CHAT: variants seen among roughly 807,000 people sequenced by gnomAD.
CHAT encodes the protein acetyl CoA:choline O-acetyltransferase.
Under a neutral mutation model 76.9 loss-of-function variants are expected in CHAT, and 61 were observed. The observed-to-expected ratio is 0.79, with a 90% confidence interval of 0.65 to 0.98. The LOEUF (loss-of-function observed/expected upper bound fraction) is 0.98, where lower values mean the gene tolerates loss of function less well. Ranked by LOEUF, CHAT falls within the 50% of genes least tolerant of loss-of-function variation. The pLI, the probability that CHAT is intolerant of heterozygous loss-of-function variation, is 0.00. For synonymous variants in CHAT, 407 were observed against 397.4 expected, an observed-to-expected ratio of 1.02 and a Z score of -0.29; for missense variants, 946 against 986.9, an observed-to-expected ratio of 0.96 and a Z score of 0.56.
At chr10:49,644,289 C>G (rs1839587367) in intron 7 of CHAT, among the ~76,000 whole-genome samples, 2 of 152,104 alleles carry the variant, frequency 1.3e-5, no homozygotes, top group African/African-American at 2.4e-5. Context: ...ACGCAGGGAT[C>G]TAGGGTGGGA....
At chr10:49,631,565 A>G (rs1839120906) in intron 7 of CHAT, among the ~76,000 whole-genome samples, 1 of 152,246 alleles carries the variant, frequency 6.6e-6, no homozygotes, top group African/African-American at 2.4e-5. Context: ...CAGACAGGGT[A>G]AATGACAGAT....
At chr10:49,654,533 C>T (rs1839974237) in intron 11 of CHAT, among the ~76,000 whole-genome samples, 1 of 152,246 alleles carries the variant, frequency 6.6e-6, no homozygotes, top group African/African-American at 2.4e-5. Flanking sequence ...GGTGGGGAAG[C>T]AGCCACTGCT....
At chr10:49,628,561 G>C (rs555572050) in intron 7 of CHAT, among the ~76,000 whole-genome samples, 27 of 152,340 alleles carry the variant, frequency 1.8e-4, no homozygotes, top group African/African-American at 6.3e-4. Flanking sequence ...CTCTACCCAA[G>C]AGCAGCCCCA....
Position 49,627,479 on chromosome 10 carries a change from G to T in CHAT, c.934-129G>T, listed in dbSNP as rs541924886. 4.2e-6 allele frequency: 4 copies of T among 956,122 alleles called. No individual in the cohort carries two copies. In the African/African-American group the frequency reaches 6.4e-5, roughly 15 times the overall value. 59.2% of individuals were successfully genotyped at this position (956,122 alleles called of 1,614,324 possible). On this transcript the variant is annotated intron_variant, in intron 6 of 14. Transcript: ENST00000337653. ...TGGCTTGGTCCCTAAACTGAGACTAGAACCACCAAACACCTTGGGAACCTT... is the reference window on the plus strand; with the variant it reads ...TGGCTTGGTCCCTAAACTGAGACTATAACCACCAAACACCTTGGGAACCTT...
chr10:49,653,707 C>T (rs1020849563), intron 11 of CHAT, among the ~76,000 whole-genome samples: 1 of 152,242 alleles, frequency 6.6e-6, no homozygotes, highest in Non-Finnish European at 1.5e-5. Flanking sequence ...GCTGCAGGAC[C>T]TGCCTGGCAT....
At chr10:49,642,968 G>A (rs1839535758) in intron 7 of CHAT, among the ~76,000 whole-genome samples, 2 of 152,174 alleles carry the variant, frequency 1.3e-5, no homozygotes, top group African/African-American at 4.8e-5. Context: ...GACTGAGCTG[G>A]GCATTCATAG....
At chr10:49,627,547 G>A in intron 6 of CHAT, 61 bp from the exon 7 acceptor site, 2 of 1,555,250 alleles carry the variant, frequency 1.3e-6, no homozygotes, top group South Asian at 1.1e-5. Flanking sequence ...TGAAGGCTGA[G>A]TGAAGGCCTG....
chr10:49,615,550 G>A (rs1221468493), intron 1 of CHAT, among the ~76,000 whole-genome samples: 2 of 152,190 alleles, frequency 1.3e-5, no homozygotes, highest in Non-Finnish European at 2.9e-5. Flanking sequence ...GGGTGGTGTT[G>A]GGTGGGGAGA....
At chr10:49,629,766 T>C (rs1183747847) in intron 7 of CHAT, among the ~76,000 whole-genome samples, 1 of 152,210 alleles carries the variant, frequency 6.6e-6, no homozygotes, top group Non-Finnish European at 1.5e-5. Flanking sequence ...TTAATCCAGT[T>C]AGCGCCAACT....
chr10:49,658,650 G>A (rs553375511), intron 13 of CHAT, among the ~76,000 whole-genome samples: 15 of 152,216 alleles, frequency 9.9e-5, no homozygotes, highest in African/African-American at 2.4e-4. Flanking sequence ...CGGAAGTTGC[G>A]GTGAGCTGAG....
upstream of CHAT, chr10:49,612,285 T>C: frequency 6.2e-7 from 1 of 1,612,174 alleles, no homozygotes; most frequent in Middle Eastern, 1.7e-4. Flanking sequence ...GCAGCCCGCC[T>C]GGCCCTTTTG....
At chr10:49,620,087 G>A (rs1048692816) in intron 3 of CHAT, among the ~76,000 whole-genome samples, 171 bp downstream of exon 3, 2 of 152,094 alleles carry the variant, frequency 1.3e-5, no homozygotes, top group Non-Finnish European at 2.9e-5. Context: ...TGGAGGACAG[G>A]AAGGGACAAG....
chr10:49,659,066 TGAAGA>T (rs1222999193), intron 13 of CHAT, among the ~76,000 whole-genome samples: 2 of 151,906 alleles, frequency 1.3e-5, no homozygotes, highest in Non-Finnish European at 2.9e-5. Flanking sequence ...ACACTAAACA[TGAAGA>T]GAAGATTCTA....
At position 49,614,084 on chromosome 10, in the gene CHAT, C is replaced by T. The variant is rs1214109220; in HGVS notation, c.-106C>T. On this transcript the variant is annotated 5_prime_UTR_variant, in exon 1 of 15. Transcript: ENST00000337653. ...GGCATGGGCGGGACAGTGTTCTGTGCCCCCTTCTAGAGCCTAAATTTGTTG... is the reference window on the plus strand; with the variant it reads ...GGCATGGGCGGGACAGTGTTCTGTGTCCCCTTCTAGAGCCTAAATTTGTTG... 2 of 1,539,532 alleles carry T rather than the reference C, an allele frequency of 1.3e-6. No individual in the cohort carries two copies. The highest frequency in any genetic ancestry group is 1.4e-5 in the African/African-American group (1 of 72,960).
chr10:49,646,712 GC>G, intron 8 of CHAT, 38 bp downstream of exon 8: 1 of 1,608,138 alleles, frequency 6.2e-7, no homozygotes, highest in Non-Finnish European at 8.5e-7. Flanking sequence ...GCACAGCCAT[GC>G]CCCCAGCGAG....
chr10:49,662,005 G>A (rs1840208626), intron 13 of CHAT, among the ~76,000 whole-genome samples: 1 of 152,236 alleles, frequency 6.6e-6, no homozygotes, highest in African/African-American at 2.4e-5. Context: ...AGCCTGCTAA[G>A]GGGTCTAGTT....
chr10:49,620,981 C>G (rs1430312212), intron 4 of CHAT, among the ~76,000 whole-genome samples: 1 of 152,194 alleles, frequency 6.6e-6, no homozygotes, highest in East Asian at 1.9e-4. Flanking sequence ...TCTGAGAGGG[C>G]CTCTGCTTCC....
intron 6 of CHAT, among the ~76,000 whole-genome samples, chr10:49,626,091 G>A (rs1023984313): frequency 1.4e-4 from 21 of 152,214 alleles, no homozygotes; most frequent in Middle Eastern, 3.2e-3. Flanking sequence ...CAGTGACCAT[G>A]CAGAGGGGGC....
At chr10:49,651,845 T>C (rs1348731801) in intron 10 of CHAT, 39 bp from the exon 11 acceptor site, 2 of 1,593,040 alleles carry the variant, frequency 1.3e-6, no homozygotes, top group South Asian at 1.1e-5. Context: ...GCATACTGTT[T>C]TGCATGCAAT....
Sources: gnomAD v4.1 joint callset for allele counts (sites outside exome capture counted in the v4.1 genomes callset) on GRCh38, gnomAD v4.1.1 for gene constraint, MANE v1.5 for transcripts, NCBI Gene and HGNC (gene_info 2026-07-23, HGNC 2026-07-21) for gene names.